SERPINB8: variants seen among roughly 807,000 people sequenced by gnomAD.
The protein encoded by SERPINB8 is serpin family B member 8.
In SERPINB8, 25 loss-of-function variants were observed where a neutral mutation model predicts 35.3. That is an observed-to-expected ratio of 0.71 (90% CI 0.52 to 0.99). The LOEUF is 0.99. Among genes scored for constraint, SERPINB8 ranks in the 50% least tolerant of loss-of-function variants. The pLI is 0.00. For missense variants in SERPINB8, 484 were observed against 446.5 expected, an observed-to-expected ratio of 1.08 and a Z score of -0.76; for synonymous variants, 186 against 160.8, an observed-to-expected ratio of 1.16 and a Z score of -1.19.
At chr18:63,972,437 A>T (rs2050499711) in intron 1 of SERPINB8, among the ~76,000 whole-genome samples, 1 of 152,168 alleles carries the variant, frequency 6.6e-6, no homozygotes, top group African/African-American at 2.4e-5. Flanking sequence ...CCATTATACT[A>T]ATATACTACA....
At chr18:64,002,089 C>G (rs747407908) in intron 1 of SERPINB8, among the ~76,000 whole-genome samples, 87 of 152,064 alleles carry the variant, frequency 5.7e-4, no homozygotes, top group Non-Finnish European at 9.7e-4. Flanking sequence ...GCCTGAAGCC[C>G]GCCCTGCCTC....
exon 8 of SERPINB8, chr18:64,018,925 C>G (rs1286253622): frequency 6.6e-6 from 1 of 152,028 alleles, no homozygotes; most frequent in Non-Finnish European, 1.5e-5. Flanking sequence ...AGGATTCTAA[C>G]CTCCATTTAT....
At position 63,978,293 on chromosome 18, in the gene SERPINB8, A is replaced by T. The variant is rs1172529783; in HGVS notation, c.-10-6A>T. Reference sequence around the variant, plus strand: ...TGTGCTTTTCCCTGCTGTGCCTTTGATGCAGACCTTCTCTGATGGATGACC... The same window carrying T: ...TGTGCTTTTCCCTGCTGTGCCTTTGTTGCAGACCTTCTCTGATGGATGACC... On this transcript the variant is annotated splice_polypyrimidine_tract_variant and splice_region_variant and intron_variant, in intron 1 of 6. Transcript: ENST00000397985. 2 of 1,614,092 alleles carry T rather than the reference A, an allele frequency of 1.2e-6. No homozygotes were observed. Among genetic ancestry groups the T allele is most frequent in the Non-Finnish European group, 8.5e-7 (1 of 1,180,004 alleles).
chr18:63,977,935 G>A (rs550440921), intron 1 of SERPINB8, among the ~76,000 whole-genome samples: 15 of 152,074 alleles, frequency 9.9e-5, no homozygotes, highest in African/African-American at 3.1e-4. Context: ...CTGGCTTCTC[G>A]AGGAGGTTGC....
intron 1 of SERPINB8, among the ~76,000 whole-genome samples, chr18:63,976,434 A>G (rs1171829470): frequency 6.6e-6 from 1 of 152,208 alleles, no homozygotes; most frequent in Admixed American, 6.5e-5. Flanking sequence ...TTAGGCTCCT[A>G]CCTTCCACAG....
At chr18:63,976,575 G>A (rs945735405) in intron 1 of SERPINB8, among the ~76,000 whole-genome samples, 4 of 152,170 alleles carry the variant, frequency 2.6e-5, no homozygotes, top group Non-Finnish European at 5.9e-5. Context: ...TCTCAAAGGG[G>A]CTGATAAAGA....
intron 1 of SERPINB8, among the ~76,000 whole-genome samples, chr18:63,971,457 C>T (rs147798390): frequency 4.6e-5 from 7 of 152,336 alleles, no homozygotes; most frequent in African/African-American, 1.7e-4. Flanking sequence ...AAGTCATATT[C>T]CCCATTCCAG....
rs780471000 is a variant in SERPINB8, at chr18:63,987,176, C to T, written c.1023C>T (p.Ser341=). ...ATAVVRNSRC[S]RMEPRFCADH... ...CTGTGGTCAGGAATTCCCGGTGCAGCAGAATGGAGCCAAGATTCTGTGCAG... is the reference window on the plus strand; with the variant it reads ...CTGTGGTCAGGAATTCCCGGTGCAGTAGAATGGAGCCAAGATTCTGTGCAG... Residue 341 remains serine, a synonymous_variant, in exon 7 of 7, where the codon AGC becomes AGT. Coordinates refer to ENST00000397985, the MANE Select transcript of SERPINB8 (RefSeq NM_002640.4). 1.2e-6 allele frequency: 2 copies of T among 1,614,186 alleles called. No homozygotes were observed. The highest frequency in any genetic ancestry group is 1.1e-5 in the South Asian group (1 of 91,080).
chr18:64,014,106 C>A lies in SERPINB8; in HGVS notation c.*3-4804C>A, dbSNP rs539246918. 9.2e-5 allele frequency among the ~76,000 whole-genome samples: 14 copies of A among 152,158 alleles called. No individual in the cohort carries two copies. The South Asian group carries it at 2.7e-3, about 29-fold the overall frequency. ...GAGGCAAAAATAGAAACAAGAAGCC[C>A]AGTGAGAATATCATTTTAATAGTTC... On this transcript the variant is annotated intron_variant, in intron 7 of 7. Transcript: ENST00000636430.
intron 6 of SERPINB8, among the ~76,000 whole-genome samples, chr18:63,986,102 C>T (rs912168194): frequency 1.3e-5 from 2 of 152,030 alleles, no homozygotes; most frequent in Middle Eastern, 3.2e-3. Context: ...GTTGTGGCCA[C>T]TTATGAGAAA....
rs969839851 is a variant in SERPINB8 at position 63,989,269 on chromosome 18, A to G, written c.*1991A>G. ...GTAAGTAACATTTTTTTGTATAGGT[A>G]TACCATGATTTGTTGATGAACAAAT... On this transcript the variant is annotated 3_prime_UTR_variant, in exon 7 of 7. Transcript: ENST00000397985. 3 of 152,244 alleles carry G rather than the reference A, an allele frequency of 2.0e-5. No individual in the cohort carries two copies. The highest frequency in any genetic ancestry group is 4.8e-5 in the African/African-American group (2 of 41,460). The allele number at this position is 152,244 out of a possible 1,614,324, so 9.4% of individuals were successfully genotyped here. A position where few individuals can be genotyped will look rare whatever the true frequency, so the allele number is the denominator to read the frequency against.
intron 3 of SERPINB8, among the ~76,000 whole-genome samples, chr18:63,980,778 T>C (rs1005931289): frequency 2.6e-5 from 4 of 152,232 alleles, no homozygotes; most frequent in African/African-American, 9.6e-5. Flanking sequence ...GTGGCTTGGC[T>C]CCTCCTTCCC....
intron 2 of SERPINB8, among the ~76,000 whole-genome samples, chr18:63,978,788 T>C (rs552935222): frequency 6.6e-6 from 1 of 152,208 alleles, no homozygotes; most frequent in African/African-American, 2.4e-5. Context: ...GAAAGCAAAA[T>C]ATTCCAATTT....
At chr18:63,994,854 A>G (rs1316085307) in intron 1 of SERPINB8, among the ~76,000 whole-genome samples, 1 of 152,164 alleles carries the variant, frequency 6.6e-6, no homozygotes, top group Non-Finnish European at 1.5e-5. Flanking sequence ...GGTAAACCTC[A>G]TAAGGCCAGC....
chr18:64,001,092 A>T (rs943672232), intron 1 of SERPINB8, among the ~76,000 whole-genome samples: 40 of 152,178 alleles, frequency 2.6e-4, no homozygotes, highest in African/African-American at 9.4e-4. Context: ...CTTTCTTTTG[A>T]TTAGAATAGT....
chr18:64,010,752 T>C (rs1445416327), intron 7 of SERPINB8, among the ~76,000 whole-genome samples: 1 of 152,216 alleles, frequency 6.6e-6, no homozygotes, highest in Non-Finnish European at 1.5e-5. Flanking sequence ...CTGATCATTA[T>C]GTTTTTTTAA....
chr18:63,985,122 G>A lies in SERPINB8; in HGVS notation c.597G>A (p.Lys199=), dbSNP rs773701266. The A allele has an allele frequency of 1.9e-6, 3 of 1,614,188 alleles. No homozygotes were observed. Among genetic ancestry groups the A allele is most frequent in the Non-Finnish European group, 2.5e-6 (3 of 1,180,026 alleles). ...EEKKTVQMMF[K]EAKFKMGYAD... is the part of the protein sequence containing the mutation. Reference sequence around the variant, plus strand: ...AAAAGACAGTGCAGATGATGTTTAAGGAAGCTAAGTTTAAAATGGGGTATG... The same window carrying A: ...AAAAGACAGTGCAGATGATGTTTAAAGAAGCTAAGTTTAAAATGGGGTATG... Residue 199 remains lysine (K), a synonymous_variant, in exon 6 of 7, where the codon AAG becomes AAA. Coordinates refer to ENST00000397985, the MANE Select transcript of SERPINB8 (RefSeq NM_002640.4).
At chr18:63,986,502 G>A in intron 6 of SERPINB8, 1 of 1,346,056 alleles carries the variant, frequency 7.4e-7, no homozygotes. Context: ...TTTGTCTTTT[G>A]TCAAACAATC....
intron 1 of SERPINB8, among the ~76,000 whole-genome samples, chr18:63,976,493 G>T (rs1445319184): frequency 6.6e-6 from 1 of 152,162 alleles, no homozygotes; most frequent in East Asian, 1.9e-4. Context: ...ATTTCAAAAG[G>T]ATGGCTTCCA....
Sources: gnomAD v4.1 joint callset for allele counts (sites outside exome capture counted in the v4.1 genomes callset) on GRCh38, gnomAD v4.1.1 for gene constraint, MANE v1.5 for transcripts, NCBI Gene and HGNC (gene_info 2026-07-23, HGNC 2026-07-21) for gene names.